SH3GL1: variants seen among roughly 807,000 people sequenced by gnomAD.
The protein encoded by SH3GL1 is SH3 domain containing GRB2 like 1, endophilin A2, also known as endophilin-A2.
Under a neutral mutation model 48.8 loss-of-function variants are expected in SH3GL1, and 21 were observed. The observed-to-expected ratio is 0.43, with a 90% CI of 0.30 to 0.62. The LOEUF is 0.62. Ranked by LOEUF, SH3GL1 falls within the 20% of genes least tolerant of loss-of-function variation. The pLI is 0.11. For missense variants in SH3GL1, 454 were observed against 503.0 expected (o/e 0.90, Z 0.93); for synonymous variants, 282 against 217.5 (o/e 1.30, Z -2.61).
Position 4,400,382 on chromosome 19 carries a change from G to T in SH3GL1, c.-14C>A. On this transcript the variant is annotated 5_prime_UTR_variant, in exon 1 of 10. Coordinates refer to ENST00000269886, the MANE Select transcript of SH3GL1 (RefSeq NM_003025.4). The surrounding 1 kb of genome is among the most constrained non-coding windows in gnomAD (Gnocchi z 4.1). Reference sequence around the variant, plus strand: ...CGCCACCGACATGCTGCCGCCCGCCGCCGAGCCTCCCGCCCGGACCGCGCC... The same window carrying T: ...CGCCACCGACATGCTGCCGCCCGCCTCCGAGCCTCCCGCCCGGACCGCGCC... The T allele has an allele frequency of 1.3e-6, 2 of 1,584,642 alleles. No homozygotes were observed. Among genetic ancestry groups the T allele is most frequent in the Non-Finnish European group, 1.7e-6 (2 of 1,170,276 alleles).
At chr19:4,397,825 A>T (rs1304246534) in intron 1 of SH3GL1, among the ~76,000 whole-genome samples, 1 of 152,170 alleles carries the variant, frequency 6.6e-6, no homozygotes, top group Admixed American at 6.5e-5. Flanking sequence ...CTATATCCCT[A>T]AACAACCACT....
intron 1 of SH3GL1, among the ~76,000 whole-genome samples, chr19:4,391,190 C>T (rs893068741): frequency 7.9e-5 from 12 of 152,206 alleles, no homozygotes; most frequent in African/African-American, 2.2e-4. Flanking sequence ...GCACTGCGCA[C>T]GTGACAGCGG....
At chr19:4,378,104 C>G (rs893654289) in intron 1 of SH3GL1, among the ~76,000 whole-genome samples, 1 of 152,244 alleles carries the variant, frequency 6.6e-6, no homozygotes, top group South Asian at 2.1e-4. Flanking sequence ...AGAGGCAGCA[C>G]AGGGCCTGGC....
intron 1 of SH3GL1, among the ~76,000 whole-genome samples, chr19:4,379,559 G>C (rs1421821865): frequency 3.3e-5 from 5 of 152,106 alleles, no homozygotes; most frequent in African/African-American, 1.2e-4. Flanking sequence ...AGCTGCCACA[G>C]CCGCTGCGCC....
At chr19:4,374,979 G>C (rs1041875172) in intron 1 of SH3GL1, among the ~76,000 whole-genome samples, 2 of 152,188 alleles carry the variant, frequency 1.3e-5, no homozygotes, top group Non-Finnish European at 2.9e-5. Flanking sequence ...GCGGTGACCT[G>C]GGCTCGGCTC....
Position 4,361,764 on chromosome 19 carries a change from A to G in SH3GL1, c.943T>C (p.Tyr315His), listed in dbSNP as rs755630348. 1 of 1,611,426 alleles carries G rather than the reference A, an allele frequency of 6.2e-7. No homozygotes were observed. The highest frequency in any genetic ancestry group is 8.5e-7 in the Non-Finnish European group (1 of 1,179,824). ...CCGTCGTTCTCGGGCTCGAAGTCGTACAGCGCCTTGCAGCTCGGCTGGTCC... is the reference window on the plus strand; with the variant it reads ...CCGTCGTTCTCGGGCTCGAAGTCGTGCAGCGCCTTGCAGCTCGGCTGGTCC... ...PLDQPSCKALYDFEPENDGEL... is the reference protein window; with the variant it reads ...PLDQPSCKALHDFEPENDGEL... The change falls in exon 10 of 10, where the codon TAC becomes CAC. Residue 315 changes from tyrosine to histidine, a missense_variant. Tyr to His is a moderately conservative substitution (Grantham distance 83). This residue lies in a region of SH3GL1 where 278 missense variants were observed against 246.8 expected (regional missense o/e 1.13). Coordinates refer to ENST00000269886, the MANE Select transcript of SH3GL1 (RefSeq NM_003025.4).
At chr19:4,393,744 C>T (rs945305445) in intron 1 of SH3GL1, among the ~76,000 whole-genome samples, 1 of 151,558 alleles carries the variant, frequency 6.6e-6, no homozygotes, top group African/African-American at 2.4e-5. Context: ...GAGCAGAGAT[C>T]GCGCCACTGC....
intron 1 of SH3GL1, among the ~76,000 whole-genome samples, chr19:4,375,993 G>A (rs1000064713): frequency 1.3e-5 from 2 of 152,184 alleles, no homozygotes; most frequent in African/African-American, 4.8e-5. Flanking sequence ...CTCCTCAAAA[G>A]GAGCTGAGGC....
rs574382792 is a variant in SH3GL1, at chr19:4,362,633, T to C, written c.832A>G (p.Thr278Ala). ...PEQSNGGFPC[T>A]TAPKIAASSS... Reference sequence around the variant, plus strand: ...TTACCTGCGATCTTGGGGGCTGTGGTGCAGGGGAAGCCCCCGTTGGACTGC... The same window carrying C: ...TTACCTGCGATCTTGGGGGCTGTGGCGCAGGGGAAGCCCCCGTTGGACTGC... The change falls in exon 8 of 10, where the codon ACC (threonine) becomes GCC (alanine). Residue 278 changes from threonine to alanine, a missense_variant. Thr to Ala is a moderately conservative substitution (Grantham distance 58). Around this residue, in one of 2 missense-constraint regions of SH3GL1, gnomAD observed 278 missense variants for 246.8 expected, o/e 1.13. Transcript: ENST00000269886. The C allele has an allele frequency of 6.2e-7, 1 of 1,613,780 alleles. No individual in the cohort carries two copies. Among genetic ancestry groups the C allele is most frequent in the Admixed American group, 1.7e-5 (1 of 60,032 alleles).
intron 1 of SH3GL1, among the ~76,000 whole-genome samples, chr19:4,399,351 G>C (rs1298211770): frequency 7.7e-6 from 1 of 130,444 alleles, no homozygotes; most frequent in Non-Finnish European, 1.6e-5. Context: ...AATCCAAGAA[G>C]TGTGGAGTAT....
intron 1 of SH3GL1, among the ~76,000 whole-genome samples, chr19:4,369,691 G>A (rs1442580872): frequency 6.6e-6 from 1 of 152,144 alleles, no homozygotes; most frequent in African/African-American, 2.4e-5. Context: ...TGAGCCCCAG[G>A]ACGACTTCCT....
At chr19:4,394,597 T>C (rs1454615677) in intron 1 of SH3GL1, among the ~76,000 whole-genome samples, 4 of 152,132 alleles carry the variant, frequency 2.6e-5, no homozygotes, top group African/African-American at 9.7e-5. Flanking sequence ...GGAGATGAAC[T>C]AGCCTGGAAC....
intron 1 of SH3GL1, among the ~76,000 whole-genome samples, chr19:4,377,605 C>T (rs1370356244): frequency 6.6e-6 from 1 of 152,198 alleles, no homozygotes; most frequent in African/African-American, 2.4e-5. Context: ...GCACAGCCAG[C>T]CGCGCCTGTG....
intron 1 of SH3GL1, among the ~76,000 whole-genome samples, chr19:4,396,640 T>A (rs922160970): frequency 6.6e-6 from 1 of 152,190 alleles, no homozygotes; most frequent in African/African-American, 2.4e-5. Flanking sequence ...TCCTTTGTTT[T>A]GGTATAATTA....
intron 4 of SH3GL1, among the ~76,000 whole-genome samples, chr19:4,364,938 C>A (rs1370162578): frequency 2.4e-5 from 3 of 125,074 alleles, no homozygotes; most frequent in South Asian, 2.4e-4. Context: ...TTAGTAGAAG[C>A]GGGGTGGGGT....
At chr19:4,390,932 CACG>C (rs1568421283) in intron 1 of SH3GL1, among the ~76,000 whole-genome samples, 2 of 152,218 alleles carry the variant, frequency 1.3e-5, no homozygotes. Context: ...CCAAATTAAA[CACG>C]ACGTTTCCCC....
At chr19:4,385,916 G>A (rs1451534301) in intron 1 of SH3GL1, among the ~76,000 whole-genome samples, 2 of 152,188 alleles carry the variant, frequency 1.3e-5, no homozygotes, top group African/African-American at 4.8e-5. Flanking sequence ...CCTCGTGGGT[G>A]GAACGCTGAC....
chr19:4,384,513 C>T (rs184439891), intron 1 of SH3GL1, among the ~76,000 whole-genome samples: 260 of 152,290 alleles, frequency 1.7e-3, no homozygotes, highest in African/African-American at 6.1e-3. Flanking sequence ...GGCAGGGTCT[C>T]GCTATATTGC....
At position 4,361,405 on chromosome 19, in the gene SH3GL1, C is replaced by T; in HGVS notation, c.*195G>A. ...GGGAGTCAGCGCTAGTGTAAACAGG[C>T]ATCCCCACCCACCCAGATAAGCCCC... On this transcript the variant is annotated 3_prime_UTR_variant, in exon 10 of 10. Transcript: ENST00000269886. 3.4e-6 allele frequency: 2 copies of T among 589,670 alleles called. No individual in the cohort carries two copies. Among genetic ancestry groups the T allele is most frequent in the Non-Finnish European group, 6.0e-6 (2 of 331,234 alleles). 36.5% of individuals were successfully genotyped at this position (589,670 alleles called of 1,614,324 possible).
Sources: gnomAD v4.1 joint callset for allele counts (sites outside exome capture counted in the v4.1 genomes callset) on GRCh38, gnomAD v4.1.1 for gene constraint, gnomAD v4.1.1 regional missense constraint, Gnocchi (gnomAD v3.1) non-coding constraint, MANE v1.5 for transcripts, NCBI Gene and HGNC (gene_info 2026-07-23, HGNC 2026-07-21) for gene names.